The following AXL variants were observed in gnomAD, a reference collection of about 807,000 sequenced individuals.
AXL encodes AXL receptor tyrosine kinase, also known as tyrosine-protein kinase receptor UFO.
AXL carries 52 observed loss-of-function variants against 104.5 expected under a neutral mutation model. The observed-to-expected ratio is 0.50, with a 90% CI of 0.40 to 0.63. AXL has a LOEUF of 0.63. Ranked by LOEUF, AXL falls within the 20% of genes least tolerant of loss-of-function variation. AXL has a pLI of 0.00. For synonymous variants in AXL, 455 were observed against 473.7 expected (o/e 0.96, Z 0.51); for missense variants, 1,024 against 1,188.5 (o/e 0.86, Z 2.04).
chr19:41,248,926 A>T (rs1166740719), intron 14 of AXL, 106 bp downstream of exon 14: 1 of 1,205,996 alleles, frequency 8.3e-7, no homozygotes, highest in Non-Finnish European at 1.1e-6. Flanking sequence ...GTGTTTCCAG[A>T]TAGGCAATGG....
At chr19:41,232,894 G>A (rs1218388166) in intron 6 of AXL, among the ~76,000 whole-genome samples, 3 of 152,134 alleles carry the variant, frequency 2.0e-5, no homozygotes, top group Non-Finnish European at 4.4e-5. Flanking sequence ...TTTTCCAGAT[G>A]AAGAAACTAA....
chr19:41,231,242 G>A lies in AXL; in HGVS notation c.727G>A (p.Val243Met). ...LVSRQPTELE[V>M]AWTPGLSGIY... is the part of the protein sequence containing the mutation. ...CTCCCGCCAACCCACGGAGCTGGAG[G>A]TGGCTTGGACTCCAGGCCTGAGCGG... The change falls in exon 6 of 20, where the codon GTG (valine) becomes ATG (methionine). Residue 243 changes from valine (V) to methionine (M), a missense_variant. By Grantham distance (21) the Val-to-Met change is conservative. Around this residue, in one of 5 missense-constraint regions of AXL, gnomAD observed 332 missense variants for 343.9 expected, o/e 0.97. Coordinates refer to ENST00000301178, the MANE Select transcript of AXL (RefSeq NM_021913.5). The A allele has an allele frequency of 6.2e-7, 1 of 1,613,858 alleles. No homozygotes were observed. Among genetic ancestry groups the A allele is most frequent in the Non-Finnish European group, 8.5e-7 (1 of 1,179,852 alleles).
At chr19:41,256,304 T>C in intron 17 of AXL, 148 bp from the exon 18 acceptor site, 1 of 917,584 alleles carries the variant, frequency 1.1e-6, no homozygotes, top group Non-Finnish European at 1.7e-6. Flanking sequence ...AGTTCCCTTC[T>C]GGACTGGGAT....
At chr19:41,229,195 C>A (rs2033934154) in intron 4 of AXL, among the ~76,000 whole-genome samples, 2 of 152,190 alleles carry the variant, frequency 1.3e-5, no homozygotes, top group Admixed American at 1.3e-4. Context: ...AGGTGATCCA[C>A]CCACCTCGGC....
chr19:41,256,701 T>A, intron 18 of AXL, 90 bp downstream of exon 18: 1 of 1,536,488 alleles, frequency 6.5e-7, no homozygotes, highest in Non-Finnish European at 8.9e-7. Context: ...GATGCAAGGG[T>A]CACAGGGACA....
At chr19:41,253,765 TTCCCTCCCTCCTTCTTAGGATGGAA>T in intron 17 of AXL, 57 bp downstream of exon 17, 1 of 1,331,404 alleles carries the variant, frequency 7.5e-7, no homozygotes, top group Non-Finnish European at 1.1e-6. Flanking sequence ...CCTGAGGGAG[TTCCCTCCCTCCTTCTTAGGATGGAA>T]GCAGGGCTAG....
intron 3 of AXL, 191 bp from the exon 4 acceptor site, chr19:41,221,689 C>T: frequency 1.7e-6 from 1 of 597,282 alleles, no homozygotes; most frequent in Non-Finnish European, 2.9e-6. Flanking sequence ...GGGGGTCTGA[C>T]ATGGGAGGAA....
At chr19:41,252,494 C>A in intron 15 of AXL, 51 bp downstream of exon 15, 1 of 1,580,254 alleles carries the variant, frequency 6.3e-7, no homozygotes, top group Non-Finnish European at 8.7e-7. Flanking sequence ...GGGGCCATAG[C>A]AGAGGGAAGA....
rs919961552 is a variant in AXL at position 41,227,032 on chromosome 19, A to C, written c.587-3935A>C. The C allele has an allele frequency of 2.0e-5, 3 of 153,028 alleles. No individual in the cohort carries two copies. The East Asian group carries it at 5.8e-4, about 30-fold the overall frequency. 9.5% of individuals were successfully genotyped at this position (153,028 alleles called of 1,614,324 possible). A position where few individuals can be genotyped will look rare whatever the true frequency, so the allele number is the denominator to read the frequency against. Reference sequence around the variant, plus strand: ...AGGATCGCTTGAGCCCTGGAGGTCAAGGCAGCAGTGAGCCGTGATTGTGCC... The same window carrying C: ...AGGATCGCTTGAGCCCTGGAGGTCACGGCAGCAGTGAGCCGTGATTGTGCC... On this transcript the variant is annotated intron_variant, in intron 4 of 19. Coordinates refer to ENST00000301178, the MANE Select transcript of AXL (RefSeq NM_021913.5).
chr19:41,235,015 G>A (rs541097035), intron 6 of AXL, among the ~76,000 whole-genome samples: 13 of 152,284 alleles, frequency 8.5e-5, no homozygotes, highest in African/African-American at 3.1e-4. Flanking sequence ...AACCTGTGCC[G>A]CTATGCAGAG....
intron 6 of AXL, among the ~76,000 whole-genome samples, chr19:41,235,075 G>A (rs933895719): frequency 3.3e-5 from 5 of 152,146 alleles, no homozygotes; most frequent in South Asian, 2.1e-4. Flanking sequence ...GTGACAGGCC[G>A]GGCACGGTGG....
At chr19:41,222,883 G>A (rs1023549619) in intron 4 of AXL, among the ~76,000 whole-genome samples, 1 of 150,216 alleles carries the variant, frequency 6.7e-6, no homozygotes, top group Non-Finnish European at 1.5e-5. Context: ...TCCAGCCTGG[G>A]CGACAGGGCG....
chr19:41,238,542 C>A lies in AXL; in HGVS notation c.1067C>A (p.Pro356His). Residue 356 changes from proline to histidine, a missense_variant, in exon 8 of 20, where the codon CCC becomes CAC. Pro to His is a moderately conservative substitution (Grantham distance 77). Around this residue, in one of 5 missense-constraint regions of AXL, gnomAD observed 332 missense variants for 343.9 expected, o/e 0.97. Coordinates refer to ENST00000301178, the MANE Select transcript of AXL (RefSeq NM_021913.5). ...CAGGCCTTCGTGCATTGGCAAGAGC[C>A]CCGGGCGCCCCTGCAGGGTACCCTG... Reference protein sequence around the residue: ...GSQAFVHWQEPRAPLQGTLLG... With the variant: ...GSQAFVHWQEHRAPLQGTLLG... The A allele has an allele frequency of 6.2e-7, 1 of 1,614,020 alleles. No individual in the cohort carries two copies. Among genetic ancestry groups the A allele is most frequent in the Non-Finnish European group, 8.5e-7 (1 of 1,179,956 alleles).
intron 12 of AXL, among the ~76,000 whole-genome samples, chr19:41,247,119 C>T (rs553348080): frequency 1.3e-5 from 2 of 152,242 alleles, no homozygotes; most frequent in South Asian, 2.1e-4. Context: ...CAAAACTAAT[C>T]GATTGTAACA....
intron 12 of AXL, among the ~76,000 whole-genome samples, chr19:41,247,822 T>G (rs992595918): frequency 1.1e-4 from 17 of 152,112 alleles, no homozygotes; most frequent in Admixed American, 6.5e-5. Context: ...TGGACTCAAG[T>G]GATCCACCGG....
At chr19:41,257,338 C>G (rs528087330) in intron 18 of AXL, among the ~76,000 whole-genome samples, 155 bp from the exon 19 acceptor site, 4 of 152,266 alleles carry the variant, frequency 2.6e-5, no homozygotes, top group Admixed American at 6.5e-5. Flanking sequence ...GCCACCGCAC[C>G]CGGCTAAAGT....
intron 1 of AXL, 153 bp from the exon 2 acceptor site, chr19:41,220,483 C>CCCT: frequency 1.5e-6 from 1 of 645,960 alleles, no homozygotes; most frequent in Non-Finnish European, 2.7e-6. Flanking sequence ...AGAGCCTCCG[C>CCCT]CCTCCACCCC....
chr19:41,230,892 G>C, intron 4 of AXL, 75 bp from the exon 5 acceptor site: 1 of 1,485,740 alleles, frequency 6.7e-7, no homozygotes. Flanking sequence ...GCCATGGTAG[G>C]AGTGGCCCGG....
chr19:41,249,916 CAA>C (rs2034334719), intron 14 of AXL, among the ~76,000 whole-genome samples: 1 of 152,154 alleles, frequency 6.6e-6, no homozygotes, highest in African/African-American at 2.4e-5. Context: ...TGGCAAATCC[CAA>C]GAGGAAACCA....
Sources: allele counts gnomAD v4.1 joint callset (sites outside exome capture counted in the v4.1 genomes callset), GRCh38; gene constraint gnomAD v4.1.1; regional missense constraint gnomAD v4.1.1; transcripts MANE v1.5; gene names NCBI Gene and HGNC (gene_info 2026-07-23, HGNC 2026-07-21).